The following GLI2 variants were observed in gnomAD, a reference collection of about 807,000 sequenced individuals.
GLI2 encodes transcription activator GLI2.
A neutral mutation model predicts 78.9 loss-of-function variants in GLI2; 22 were observed. The ratio of observed to expected loss-of-function variants is 0.28; its 90% CI spans 0.20 to 0.40. GLI2 has a LOEUF of 0.40. Ranked by LOEUF, GLI2 falls within the 10% of genes least tolerant of loss-of-function variation. The pLI is 1.00. For missense variants in GLI2, 2,097 were observed against 2,213.2 expected (o/e 0.95, Z 1.05); for synonymous variants, 974 against 963.7 (o/e 1.01, Z -0.20).
At chr2:120,817,645 C>G (rs944737777) in intron 2 of GLI2, among the ~76,000 whole-genome samples, 11 of 152,200 alleles carry the variant, frequency 7.2e-5, no homozygotes, top group African/African-American at 2.7e-4. Context: ...GCGGGGGCAC[C>G]TGGGTAGCAA....
At chr2:120,863,821 G>C (rs1037605182) in intron 2 of GLI2, among the ~76,000 whole-genome samples, 9 of 152,324 alleles carry the variant, frequency 5.9e-5, no homozygotes, top group Admixed American at 5.9e-4. Flanking sequence ...CTGAGTCACA[G>C]GAGGGCGAGG....
chr2:120,987,916 T>A (rs1032069415), intron 13 of GLI2, among the ~76,000 whole-genome samples: 1 of 152,220 alleles, frequency 6.6e-6, no homozygotes, highest in African/African-American at 2.4e-5. Flanking sequence ...TATTGCTTTT[T>A]CCTTCCCCTT....
intron 2 of GLI2, among the ~76,000 whole-genome samples, chr2:120,902,742 A>G (rs993544962): frequency 6.6e-6 from 1 of 152,204 alleles, no homozygotes; most frequent in Non-Finnish European, 1.5e-5. Flanking sequence ...TGTTCCTGGC[A>G]TCTGGTTCCT....
chr2:120,948,973 C>T (rs1207216915), intron 3 of GLI2, among the ~76,000 whole-genome samples: 3 of 152,180 alleles, frequency 2.0e-5, no homozygotes, highest in Admixed American at 6.5e-5. Context: ...TGCTGAGCCA[C>T]ACTCAGCCTT....
chr2:120,886,232 TTTTTGTTTTGTTTTG>T (rs147636277), intron 2 of GLI2, among the ~76,000 whole-genome samples: 9,718 of 143,134 alleles, frequency 0.068, 1,073 homozygotes, highest in African/African-American at 0.21. Flanking sequence ...TGGTTTTGGG[TTTTTGTTTTGTTTTG>T]TTTTGTTTTG....
chr2:120,839,440 A>T (rs1230980665), intron 2 of GLI2, among the ~76,000 whole-genome samples: 1 of 152,182 alleles, frequency 6.6e-6, no homozygotes, highest in African/African-American at 2.4e-5. Context: ...GTCTTCAGGA[A>T]TGTGTTCATT....
At chr2:120,796,070 CAAAA>C (rs948994126) in intron 1 of GLI2, among the ~76,000 whole-genome samples, 4 of 151,980 alleles carry the variant, frequency 2.6e-5, no homozygotes, top group African/African-American at 9.7e-5. Flanking sequence ...AACAAACAAA[CAAAA>C]ACAAAAAACA....
chr2:120,893,487 T>C (rs935484041), intron 2 of GLI2, among the ~76,000 whole-genome samples: 7 of 152,066 alleles, frequency 4.6e-5, no homozygotes, highest in African/African-American at 1.7e-4. Context: ...TTATAAGAGA[T>C]TTCTCATGGC....
intron 2 of GLI2, among the ~76,000 whole-genome samples, chr2:120,831,532 AG>A (rs1314397848): frequency 1.3e-5 from 2 of 152,260 alleles, no homozygotes; most frequent in Non-Finnish European, 2.9e-5. Flanking sequence ...AATAAAAGCC[AG>A]GCTCAGAGTA....
At chr2:120,754,159 A>T (rs958088346) in intron 1 of GLI2, among the ~76,000 whole-genome samples, 1 of 152,100 alleles carries the variant, frequency 6.6e-6, no homozygotes, top group Non-Finnish European at 1.5e-5. Context: ...CTTTAGACAG[A>T]TATTGGTAAA....
intron 10 of GLI2, among the ~76,000 whole-genome samples, chr2:120,980,285 C>A (rs1682658679): frequency 6.6e-6 from 1 of 152,228 alleles, no homozygotes; most frequent in Admixed American, 6.5e-5. Context: ...CAAATCCTCA[C>A]CAACACTGGT....
At chr2:120,875,351 A>G (rs978231125) in intron 2 of GLI2, among the ~76,000 whole-genome samples, 2 of 152,210 alleles carry the variant, frequency 1.3e-5, no homozygotes, top group African/African-American at 4.8e-5. Flanking sequence ...TGGGCTGGCC[A>G]TCATAGCCTA....
chr2:120,739,521 G>A (rs531859670), intron 1 of GLI2, among the ~76,000 whole-genome samples: 101 of 152,302 alleles, frequency 6.6e-4, no homozygotes, highest in Non-Finnish European at 1.2e-3. Context: ...TGGCTCTTGC[G>A]GCAGGGAGGT....
chr2:120,873,696 C>T (rs534548193), intron 2 of GLI2, among the ~76,000 whole-genome samples: 3 of 152,206 alleles, frequency 2.0e-5, no homozygotes, highest in Admixed American at 6.5e-5. Flanking sequence ...ATGTTTTTGA[C>T]CTTCCCACCT....
Position 120,988,497 on chromosome 2 carries a change from C to T in GLI2, c.2532C>T (p.Asp844=), listed in dbSNP as rs777758496. 2.0e-6 allele frequency: 3 copies of T among 1,534,852 alleles called. No individual in the cohort carries two copies. Among genetic ancestry groups the T allele is most frequent in the Non-Finnish European group, 2.6e-6 (3 of 1,150,066 alleles). The change falls in exon 14 of 14, where the codon GAC becomes GAT. Residue 844 remains aspartate, a synonymous_variant. Transcript: ENST00000361492. ...ACTCCTACGACCCCATCTCCACGGACGCGTCGCGGCGCTCGAGCGAGGCCA... is the reference window on the plus strand; with the variant it reads ...ACTCCTACGACCCCATCTCCACGGATGCGTCGCGGCGCTCGAGCGAGGCCA... ...SADSYDPIST[D]ASRRSSEASQ...
chr2:120,796,026 A>G (rs1195455765), intron 1 of GLI2, among the ~76,000 whole-genome samples: 2 of 152,130 alleles, frequency 1.3e-5, no homozygotes, highest in African/African-American at 4.8e-5. Flanking sequence ...CCTGGGCAAC[A>G]AGAGTGAGAC....
intron 3 of GLI2, among the ~76,000 whole-genome samples, chr2:120,945,276 T>G (rs1334583590): frequency 1.3e-5 from 2 of 152,180 alleles, no homozygotes; most frequent in African/African-American, 4.8e-5. Flanking sequence ...CGCTAACATG[T>G]GCACAGCACA....
intron 2 of GLI2, among the ~76,000 whole-genome samples, chr2:120,913,953 C>T (rs372407320): frequency 8.5e-5 from 13 of 152,292 alleles, no homozygotes; most frequent in Middle Eastern, 3.4e-3. Flanking sequence ...TTGATGCTCT[C>T]GGCAGGACGC....
chr2:120,760,229 C>T (rs893507213), intron 1 of GLI2, among the ~76,000 whole-genome samples: 3 of 152,144 alleles, frequency 2.0e-5, no homozygotes, highest in African/African-American at 4.8e-5. Context: ...GTCTGGGGCC[C>T]ATCCCAACTG....
Sources: allele counts gnomAD v4.1 joint callset (sites outside exome capture counted in the v4.1 genomes callset), GRCh38; gene constraint gnomAD v4.1.1; transcripts MANE v1.5; gene names NCBI Gene and HGNC (gene_info 2026-07-23, HGNC 2026-07-21).